Variants in LYRM4 observed in about 807,000 individuals in gnomAD.
LYRM4 encodes the protein LYR motif containing 4.
A neutral mutation model predicts 11.7 loss-of-function variants in LYRM4; 9 were observed. The observed-to-expected ratio is 0.77, with a 90% confidence interval of 0.46 to 1.34. LYRM4 has a LOEUF of 1.34. LYRM4 is among the 40% of genes most tolerant of loss of function. The pLI is 0.00. For missense variants in LYRM4, 133 were observed against 112.5 expected (o/e 1.18, Z -0.82); for synonymous variants, 42 against 40.4 (o/e 1.04, Z -0.15).
intron 1 of LYRM4, among the ~76,000 whole-genome samples, chr6:5,246,204 G>A (rs73718008): frequency 0.023 from 3,504 of 152,242 alleles, 121 homozygotes; most frequent in African/African-American, 0.079. Context: ...GTCTACAGCC[G>A]TGTGGCACTA....
intron 1 of LYRM4, among the ~76,000 whole-genome samples, chr6:5,225,399 T>C (rs1200234752): frequency 1.3e-5 from 2 of 152,218 alleles, no homozygotes; most frequent in African/African-American, 2.4e-5. Flanking sequence ...CTTATACAGC[T>C]TTCTGGAGAC....
At chr6:5,245,034 T>A (rs1263636234) in intron 1 of LYRM4, among the ~76,000 whole-genome samples, 4 of 136,650 alleles carry the variant, frequency 2.9e-5, no homozygotes, top group African/African-American at 1.1e-4. Context: ...AACACATATG[T>A]GACACTGATC....
the LYRM4 span, among the ~76,000 whole-genome samples, chr6:5,052,290 T>A: frequency 4.6e-5 from 7 of 152,326 alleles, no homozygotes; most frequent in South Asian, 2.1e-4. Flanking sequence ...AAGAGAGTAA[T>A]GTATTTAAAA....
the LYRM4 span, among the ~76,000 whole-genome samples, chr6:5,036,474 G>C: frequency 0.016 from 2,485 of 152,284 alleles, 72 homozygotes; most frequent in African/African-American, 0.057. Context: ...GAGCTGGCAT[G>C]TGCTGCTCCA....
At chr6:5,091,199 G>A in the LYRM4 span, among the ~76,000 whole-genome samples, 1 of 152,232 alleles carries the variant, frequency 6.6e-6, no homozygotes, top group East Asian at 1.9e-4. Flanking sequence ...GCTGCCTGAA[G>A]TCACTAAGGC....
At chr6:5,160,343 G>T (rs1440929735) in intron 2 of LYRM4, among the ~76,000 whole-genome samples, 1 of 152,006 alleles carries the variant, frequency 6.6e-6, no homozygotes, top group African/African-American at 2.4e-5. Flanking sequence ...TCAGGCATGG[G>T]TCTCAACCCA....
chr6:5,093,120 A>G, the LYRM4 span, among the ~76,000 whole-genome samples: 2 of 152,136 alleles, frequency 1.3e-5, no homozygotes, highest in African/African-American at 4.8e-5. Flanking sequence ...AACCCCTCCC[A>G]AAAAACCCCA....
intron 2 of LYRM4, among the ~76,000 whole-genome samples, chr6:5,171,620 T>C (rs1259066352): frequency 6.6e-6 from 1 of 152,174 alleles, no homozygotes; most frequent in Non-Finnish European, 1.5e-5. Flanking sequence ...GATATAAGAA[T>C]CGATAAGCAG....
the LYRM4 span, among the ~76,000 whole-genome samples, chr6:5,038,215 G>A: frequency 8.2e-5 from 5 of 61,200 alleles, 1 homozygote; most frequent in African/African-American, 1.3e-4. Flanking sequence ...ATGGGCGGCC[G>A]GGCAGAGACG....
chr6:5,230,755 ACTTTCACTTTATC>A (rs1378520488), intron 1 of LYRM4, among the ~76,000 whole-genome samples: 1 of 152,140 alleles, frequency 6.6e-6, no homozygotes, highest in African/African-American at 2.4e-5. Flanking sequence ...AAATAAAATG[ACTTTCACTTTATC>A]CTTTCCAACA....
the LYRM4 span, among the ~76,000 whole-genome samples, chr6:5,057,838 T>C: frequency 6.6e-6 from 1 of 151,922 alleles, no homozygotes; most frequent in Non-Finnish European, 1.5e-5. Flanking sequence ...CATAGCTCAC[T>C]GCAGCCTCGA....
chr6:5,204,751 T>A (rs947064044), intron 2 of LYRM4, among the ~76,000 whole-genome samples: 1 of 152,154 alleles, frequency 6.6e-6, no homozygotes, highest in African/African-American at 2.4e-5. Flanking sequence ...TTTTCCCGGG[T>A]GCATCCTCAA....
the LYRM4 span, among the ~76,000 whole-genome samples, chr6:5,051,901 C>A: frequency 1.8e-4 from 28 of 152,222 alleles, no homozygotes; most frequent in Admixed American, 1.1e-3. Flanking sequence ...CAGGGAGATA[C>A]CAGGCTCTTT....
chr6:5,212,093 C>T lies in LYRM4; in HGVS notation c.207+4525G>A, dbSNP rs554768233. On this transcript the variant is annotated intron_variant, in intron 2 of 2. Coordinates refer to ENST00000330636, the MANE Select transcript of LYRM4 (RefSeq NM_020408.6). ...ATGAACTACACAGGGAAGGAAGGTG[C>T]CTCAGTGATGCTGATGCTGCAGGTC... Among the ~76,000 whole-genome samples, 5 of 152,308 alleles carry T rather than the reference C, an allele frequency of 3.3e-5. No individual in the cohort carries two copies. In the East Asian group the frequency reaches 9.6e-4, roughly 29 times the overall value.
At chr6:5,141,045 G>A (rs1411716234) in intron 2 of LYRM4, among the ~76,000 whole-genome samples, 1 of 152,138 alleles carries the variant, frequency 6.6e-6, no homozygotes, top group Admixed American at 6.5e-5. Flanking sequence ...TAATTATTCT[G>A]GATGTTCAGC....
intron 2 of LYRM4, among the ~76,000 whole-genome samples, chr6:5,158,830 G>T (rs119408): frequency 0.43 from 65,755 of 151,966 alleles, 14,415 homozygotes; most frequent in East Asian, 0.71. Context: ...GGCAGCCATT[G>T]CCTTTGCCAG....
Position 5,136,816 on chromosome 6 carries a change from C to T in LYRM4, c.208-27325G>A, listed in dbSNP as rs368640018. ...CGCACAGAAGAAACTCTGGTCTCTT[C>T]CTGATGTCTCTTAACAGCTTTATGG... On this transcript the variant is annotated intron_variant, in intron 2 of 2. Transcript: ENST00000330636. The T allele has an allele frequency of 1.1e-5, 11 of 985,252 alleles. No homozygotes were observed. In the African/African-American group the frequency reaches 1.2e-4, roughly 11 times the overall value. 61.0% of individuals were successfully genotyped at this position (985,252 alleles called of 1,614,324 possible).
chr6:5,051,036 T>C, the LYRM4 span, among the ~76,000 whole-genome samples: 1 of 152,014 alleles, frequency 6.6e-6, no homozygotes, highest in Admixed American at 6.6e-5. Flanking sequence ...CAAATGAAAT[T>C]TTCACTAGAG....
intron 2 of LYRM4, among the ~76,000 whole-genome samples, chr6:5,137,626 T>G (rs1757171256): frequency 6.6e-6 from 1 of 152,238 alleles, no homozygotes. Flanking sequence ...ACCCGGCTAG[T>G]GATATGCCTC....
Sources: gnomAD v4.1 joint callset for allele counts (sites outside exome capture counted in the v4.1 genomes callset) on GRCh38, gnomAD v4.1.1 for gene constraint, MANE v1.5 for transcripts, NCBI Gene and HGNC (gene_info 2026-07-23, HGNC 2026-07-21) for gene names.